Variants in IFT56 observed in about 807,000 individuals in gnomAD.
The protein encoded by IFT56 is intraflagellar transport protein 56.
At chr7:139,147,352 G>C in the IFT56 span, 147 of 1,431,368 alleles carry the variant, frequency 1.0e-4, no homozygotes, top group Non-Finnish European at 1.3e-4. Context: ...TCTTTAACTA[G>C]TTTGAGAATC....
the IFT56 span, among the ~76,000 whole-genome samples, chr7:139,137,493 C>T: frequency 3.3e-5 from 5 of 152,150 alleles, no homozygotes; most frequent in Non-Finnish European, 5.9e-5. Flanking sequence ...ACATACTGGC[C>T]GTGTGGCCTT....
At chr7:139,158,175 A>C in the IFT56 span, among the ~76,000 whole-genome samples, 3 of 151,968 alleles carry the variant, frequency 2.0e-5, no homozygotes, top group Admixed American at 2.0e-4. Context: ...TTAGCCAGGC[A>C]TGGTGGCATG....
At chr7:139,142,489 C>A in the IFT56 span, among the ~76,000 whole-genome samples, 37,703 of 152,024 alleles carry the variant, frequency 0.25, 8,448 homozygotes, top group African/African-American at 0.57. Context: ...TTACCTACTG[C>A]ATTTATTCAG....
the IFT56 span, among the ~76,000 whole-genome samples, chr7:139,187,238 C>G: frequency 6.6e-6 from 1 of 151,720 alleles, no homozygotes; most frequent in Non-Finnish European, 1.5e-5. Context: ...AATTTTCCTT[C>G]TTATTGTTTT....
chr7:139,155,170 A>C, the IFT56 span, among the ~76,000 whole-genome samples: 2 of 152,284 alleles, frequency 1.3e-5, no homozygotes, highest in African/African-American at 2.4e-5. Flanking sequence ...TATTGATTGT[A>C]TCCTGAAACC....
the IFT56 span, chr7:139,178,216 A>G: frequency 1.2e-6 from 2 of 1,612,786 alleles, no homozygotes; most frequent in Non-Finnish European, 1.7e-6. Context: ...CGTTTCAGAT[A>G]CAATACCAGG....
At chr7:139,173,196 A>T in the IFT56 span, 1 of 539,954 alleles carries the variant, frequency 1.9e-6, no homozygotes, top group Non-Finnish European at 3.4e-6. Flanking sequence ...CACTTTCCTT[A>T]ATTGGAAAAA....
the IFT56 span, chr7:139,168,514 T>G: frequency 1.4e-6 from 1 of 722,858 alleles, no homozygotes; most frequent in Non-Finnish European, 2.5e-6. Context: ...CTTTTATTTC[T>G]CCATATCCCC....
chr7:139,173,039 A>C, the IFT56 span: 2 of 731,022 alleles, frequency 2.7e-6, no homozygotes, highest in Non-Finnish European at 5.1e-6. Context: ...CACCTCAGAG[A>C]CTGCAATGCT....
the IFT56 span, chr7:139,179,669 CAAGAAGAATCCTCTTTTTCTTTT>C: frequency 2.2e-4 from 346 of 1,545,118 alleles, no homozygotes; most frequent in East Asian, 7.6e-3. Flanking sequence ...TTAAATATTA[CAAGAAGAATCCTCTTTTTCTTTT>C]TGGTTGCATA....
the IFT56 span, among the ~76,000 whole-genome samples, chr7:139,188,778 C>G: frequency 6.6e-6 from 1 of 152,126 alleles, no homozygotes; most frequent in African/African-American, 2.4e-5. Flanking sequence ...TAGGCTTAGT[C>G]CTTAATGTCC....
At chr7:139,142,261 A>G in the IFT56 span, 2 of 1,614,038 alleles carry the variant, frequency 1.2e-6, no homozygotes, top group Admixed American at 1.7e-5. Context: ...TTCAGCTTCA[A>G]AAAGCCGACT....
the IFT56 span, among the ~76,000 whole-genome samples, chr7:139,166,254 G>A: frequency 2.0e-5 from 3 of 152,156 alleles, no homozygotes; most frequent in East Asian, 1.9e-4. Context: ...CACCGTGCCC[G>A]GCCTCTCTTT....
At chr7:139,173,680 T>C in the IFT56 span, 1 of 772,300 alleles carries the variant, frequency 1.3e-6, no homozygotes, top group South Asian at 1.3e-5. Flanking sequence ...TATTGGCATG[T>C]GGCATAGCAT....
chr7:139,153,178 C>T, the IFT56 span, among the ~76,000 whole-genome samples: 3 of 149,938 alleles, frequency 2.0e-5, no homozygotes, highest in East Asian at 1.9e-4. Context: ...AATGGCCGGG[C>T]GCAGTGGCTC....
At chr7:139,148,262 A>G in the IFT56 span, 12 of 1,613,850 alleles carry the variant, frequency 7.4e-6, no homozygotes, top group African/African-American at 1.3e-5. Context: ...TTGGATTACT[A>G]TGATGTGTCT....
the IFT56 span, among the ~76,000 whole-genome samples, chr7:139,164,379 T>A: frequency 6.6e-6 from 1 of 152,242 alleles, no homozygotes; most frequent in African/African-American, 2.4e-5. Flanking sequence ...TGATGCAGAA[T>A]GTCTGCCTAG....
chr7:139,183,269 T>C, the IFT56 span, among the ~76,000 whole-genome samples: 1 of 152,134 alleles, frequency 6.6e-6, no homozygotes, highest in African/African-American at 2.4e-5. Flanking sequence ...AGTGGTCCCA[T>C]GACCACCCAC....
the IFT56 span, chr7:139,187,496 T>C: frequency 6.2e-7 from 1 of 1,614,182 alleles, no homozygotes; most frequent in East Asian, 2.2e-5. Flanking sequence ...ACGGGGTGCC[T>C]GTGTGGGCAT....
Sources: allele counts gnomAD v4.1 joint callset (sites outside exome capture counted in the v4.1 genomes callset), GRCh38; gene constraint gnomAD v4.1.1; transcripts MANE v1.5; gene names NCBI Gene and HGNC (gene_info 2026-07-23, HGNC 2026-07-21).